Variants in EBF3 observed in about 807,000 individuals in gnomAD.
EBF3 encodes the protein EBF transcription factor 3.
A neutral mutation model predicts 77.1 loss-of-function variants in EBF3; 18 were observed. The ratio of observed to expected loss-of-function variants is 0.23; its 90% confidence interval spans 0.16 to 0.35. The LOEUF is 0.35. EBF3 is among the 10% of genes least tolerant of loss of function. The pLI, the probability that EBF3 is intolerant of heterozygous loss-of-function variation, is 1.00. For synonymous variants in EBF3, 350 were observed against 343.5 expected (o/e 1.02, Z -0.21); for missense variants, 558 against 860.0 (o/e 0.65, Z 4.39).
At chr10:129,855,950 G>GC (rs1851223998) in intron 10 of EBF3, among the ~76,000 whole-genome samples, 1 of 152,220 alleles carries the variant, frequency 6.6e-6, no homozygotes. Flanking sequence ...AGTTGGCAAA[G>GC]CCCAAGCCCC....
At chr10:129,914,448 G>A (rs982171013) in intron 6 of EBF3, among the ~76,000 whole-genome samples, 6 of 152,174 alleles carry the variant, frequency 3.9e-5, no homozygotes, top group Non-Finnish European at 7.3e-5. Flanking sequence ...CGAAAATACC[G>A]TTGGCCACTC....
At chr10:129,942,128 G>A (rs1274511175) in intron 6 of EBF3, among the ~76,000 whole-genome samples, 3 of 152,190 alleles carry the variant, frequency 2.0e-5, no homozygotes, top group African/African-American at 7.2e-5. Flanking sequence ...AGCATGGACG[G>A]CTCCCTGCAG....
intron 8 of EBF3, among the ~76,000 whole-genome samples, chr10:129,868,426 A>G (rs899309160): frequency 2.6e-5 from 4 of 152,266 alleles, no homozygotes; most frequent in African/African-American, 7.2e-5. Flanking sequence ...TCATCAGGAA[A>G]AAAAATCAAA....
intron 10 of EBF3, among the ~76,000 whole-genome samples, chr10:129,860,227 T>G (rs985090909): frequency 6.6e-6 from 1 of 151,874 alleles, no homozygotes; most frequent in African/African-American, 2.4e-5. Flanking sequence ...GTCCGGAGTG[T>G]GATCCCGCTC....
Position 129,943,235 on chromosome 10 carries a change from C to A in EBF3, c.554+14023G>T, listed in dbSNP as rs189271448. 5.9e-5 allele frequency among the ~76,000 whole-genome samples: 9 copies of A among 152,272 alleles called. No homozygotes were observed. The highest frequency in any genetic ancestry group is 1.3e-4 in the Non-Finnish European group (9 of 68,026). ...CCTTCCCAGTTGGAGGGGATTTCAG[C>A]GGCTCTCCACAAACAAATAAACAGC... On this transcript the variant is annotated intron_variant, in intron 6 of 16. Coordinates refer to ENST00000440978, the MANE Select transcript of EBF3 (RefSeq NM_001375380.1). The surrounding 1 kb of genome is among the most constrained non-coding windows in gnomAD (Gnocchi z 8.8).
chr10:129,939,388 A>T (rs776883694), intron 6 of EBF3, among the ~76,000 whole-genome samples: 6 of 152,260 alleles, frequency 3.9e-5, no homozygotes, highest in Non-Finnish European at 8.8e-5. Context: ...TCCAGACTTC[A>T]TCAAAAATCA....
chr10:129,840,169 C>T (rs1183543881), intron 15 of EBF3, 76 bp downstream of exon 15: 9 of 1,473,620 alleles, frequency 6.1e-6, no homozygotes, highest in Admixed American at 2.2e-5. Flanking sequence ...GGAGAAAGGC[C>T]GAGCCCCCAC....
chr10:129,867,980 C>T, intron 8 of EBF3, 68 bp from the exon 9 acceptor site: 1 of 1,578,198 alleles, frequency 6.3e-7, no homozygotes. Flanking sequence ...GCCGCTCGGC[C>T]ACCGCGCGTC....
At chr10:129,958,072 C>G (rs891403362) in intron 5 of EBF3, among the ~76,000 whole-genome samples, 1 of 152,194 alleles carries the variant, frequency 6.6e-6, no homozygotes, top group Non-Finnish European at 1.5e-5. Context: ...AATTGCAGTA[C>G]ATGCAGAAGT....
intron 6 of EBF3, among the ~76,000 whole-genome samples, chr10:129,937,259 C>T (rs967631364): frequency 6.6e-6 from 1 of 151,836 alleles, no homozygotes; most frequent in African/African-American, 2.4e-5. Context: ...GCACAGAGAC[C>T]CCTAGTTTGA....
intron 6 of EBF3, among the ~76,000 whole-genome samples, chr10:129,953,619 GC>G (rs1564922254): frequency 2.0e-5 from 3 of 152,188 alleles, no homozygotes; most frequent in Non-Finnish European, 2.9e-5. Context: ...GAACCGCCCC[GC>G]CGAGCCCGCT....
chr10:129,870,306 T>C lies in EBF3; in HGVS notation c.782-2394A>G, dbSNP rs1375608018. Among the ~76,000 whole-genome samples the C allele has an allele frequency of 6.6e-6, 1 of 152,060 alleles. No homozygotes were observed. On this transcript the variant is annotated intron_variant, in intron 8 of 16. Transcript: ENST00000440978. The surrounding 1 kb of genome is among the most constrained non-coding windows in gnomAD (Gnocchi z 4.4). ...AGACAGCGTTAGAGATCTAATGATA[T>C]ACGCGCACAATACACTCAAGCAGAT... is the stretch of plus-strand genomic sequence containing the variant.
intron 6 of EBF3, among the ~76,000 whole-genome samples, chr10:129,878,495 C>A (rs1307585085): frequency 6.6e-6 from 1 of 151,654 alleles, no homozygotes; most frequent in African/African-American, 2.4e-5. Context: ...ATGGTGAAAC[C>A]CCATCTCTAC....
chr10:129,922,066 C>T (rs1856350685), intron 6 of EBF3, among the ~76,000 whole-genome samples: 1 of 152,206 alleles, frequency 6.6e-6, no homozygotes, highest in Admixed American at 6.5e-5. Context: ...GCCAAAGCTC[C>T]CTGAATCCAT....
chr10:129,870,259 A>G lies in EBF3; in HGVS notation c.782-2347T>C, dbSNP rs1852315074. On this transcript the variant is annotated intron_variant, in intron 8 of 16. Transcript: ENST00000440978. This position sits in a 1 kb window ranked among gnomAD's most constrained non-coding sequence, Gnocchi z 4.4. The stretch of plus-strand genomic sequence containing the variant: ...GAGAGGGAACATGTGTTCAATGGGA[A>G]CCATAGCAAAATGAATTACACAGAC... Among the ~76,000 whole-genome samples, 2 of 152,168 alleles carry G rather than the reference A, an allele frequency of 1.3e-5. No homozygotes were observed. Among genetic ancestry groups the G allele is most frequent in the South Asian group, 4.1e-4 (2 of 4,828 alleles).
chr10:129,942,357 C>G (rs1403533314), intron 6 of EBF3, among the ~76,000 whole-genome samples: 1 of 152,162 alleles, frequency 6.6e-6, no homozygotes, highest in Non-Finnish European at 1.5e-5. Flanking sequence ...CCCCCAAAAT[C>G]ACAAAAACAA....
rs565642227 is a variant in EBF3, at chr10:129,896,396, A to G, written c.555-18547T>C. Among the ~76,000 whole-genome samples the G allele has an allele frequency of 1.1e-3, 167 of 152,382 alleles. 2 individuals carry two copies. The highest frequency in any genetic ancestry group is 1.6e-3 in the Non-Finnish European group (111 of 68,040). On this transcript the variant is annotated intron_variant, in intron 6 of 16. Transcript: ENST00000440978. ...ACTGAATGAAGCCAAGCAACAAGAC[A>G]TAACCTGACAGCTCCGCTCCCGGCC...
rs558347057 is a variant in EBF3, at chr10:129,838,920, G to A, written c.1872+163C>T. 3.9e-5 allele frequency among the ~76,000 whole-genome samples: 6 copies of A among 152,300 alleles called. No homozygotes were observed. In the East Asian group the frequency reaches 1.2e-3, roughly 30 times the overall value. On this transcript the variant is annotated intron_variant, in intron 16 of 16. Transcript: ENST00000440978. ...GCCGTCTTTCAGCCGGCCCGACCCCGTGTCACGGGCAGGGCCGCGGCACCT... is the reference window on the plus strand; with the variant it reads ...GCCGTCTTTCAGCCGGCCCGACCCCATGTCACGGGCAGGGCCGCGGCACCT...
At chr10:129,958,570 T>C (rs1184485617) in intron 5 of EBF3, among the ~76,000 whole-genome samples, 1 of 152,104 alleles carries the variant, frequency 6.6e-6, no homozygotes. Flanking sequence ...AACAGACAAT[T>C]GTATATCTCA....
Sources: gnomAD v4.1 joint callset for allele counts (sites outside exome capture counted in the v4.1 genomes callset) on GRCh38, gnomAD v4.1.1 for gene constraint, Gnocchi (gnomAD v3.1) non-coding constraint, MANE v1.5 for transcripts, NCBI Gene and HGNC (gene_info 2026-07-23, HGNC 2026-07-21) for gene names.